Variants in CABLES2 observed in about 807,000 individuals in gnomAD.
The protein encoded by CABLES2 is CDK5 and ABL1 enzyme substrate 2.
A neutral mutation model predicts 44.8 loss-of-function variants in CABLES2; 35 were observed. The ratio of observed to expected loss-of-function variants is 0.78; its 90% CI spans 0.60 to 1.04. The LOEUF (loss-of-function observed/expected upper bound fraction) is 1.04. CABLES2 is among the 50% of genes least tolerant of loss of function. CABLES2 has a pLI of 0.00. For synonymous variants in CABLES2, 282 were observed against 281.1 expected, an observed-to-expected ratio of 1.00 and a Z score of -0.03; for missense variants, 566 against 615.7, an observed-to-expected ratio of 0.92 and a Z score of 0.85.
intron 1 of CABLES2, among the ~76,000 whole-genome samples, chr20:62,398,094 G>GTGGTGGTGA: frequency 1.4e-5 from 2 of 139,042 alleles, no homozygotes; most frequent in East Asian, 2.2e-4. Context: ...GGTGACGGTG[G>GTGGTGGTGA]TGGTGGTGGT....
In CABLES2 at chr20:62,398,193, ATGATGGTGG is replaced by A. The variant is rs1448034298; in HGVS notation, c.363-1610_363-1602del. ...GGTAATGGTGGTGGTGGTGATGGTG[ATGATGGTGG>A]TGATGGTGATGTGATGGTGGTGGTG... On this transcript the variant is annotated intron_variant, in intron 1 of 9. Transcript: ENST00000279101. 1.0e-3 allele frequency among the ~76,000 whole-genome samples: 30 copies of A among 30,068 alleles called. 2 individuals are homozygous for A. Among genetic ancestry groups the A allele is most frequent in the African/African-American group, 7.4e-3 (19 of 2,554 alleles). 19.7% of individuals were successfully genotyped at this position (30,068 alleles called of 152,430 possible). A position where few individuals can be genotyped will look rare whatever the true frequency, so the allele number is the denominator to read the frequency against.
In CABLES2 at chr20:62,407,119, T is replaced by C. The variant is rs1433917999; in HGVS notation, c.158A>G (p.Asn53Ser). The change falls in exon 1 of 10, where the codon AAC becomes AGC. Residue 53 changes from asparagine (N) to serine (S), a missense_variant. Asn to Ser is a conservative substitution (Grantham distance 46). Coordinates refer to ENST00000279101, the MANE Select transcript of CABLES2 (RefSeq NM_031215.3). ...GGGCCGCCCGTCCAGGGAGATGTTGTTGAGGAAGAAAAGCGCGGCCTGGCG... is the reference window on the plus strand; with the variant it reads ...GGGCCGCCCGTCCAGGGAGATGTTGCTGAGGAAGAAAAGCGCGGCCTGGCG... ...RRRQAALFFL[N>S]NISLDGRPPS... The C allele has an allele frequency of 3.9e-6, 4 of 1,037,880 alleles. No homozygotes were observed. The East Asian group carries it at 3.7e-4, about 97-fold the overall frequency. 64.3% of individuals were successfully genotyped at this position (1,037,880 alleles called of 1,614,324 possible).
chr20:62,398,059 T>TGGTGGTGAC (rs1569017444), intron 1 of CABLES2, among the ~76,000 whole-genome samples: 3 of 78,748 alleles, frequency 3.8e-5, no homozygotes, highest in Admixed American at 1.4e-4. Flanking sequence ...GTGATGGCGA[T>TGGTGGTGAC]GGTGGTGGTG....
At position 62,389,476 on chromosome 20, in the gene CABLES2, T is replaced by C. The variant is rs1388975498; in HGVS notation, c.*1495A>G. 6.6e-6 allele frequency: 1 copy of C among 152,236 alleles called. No individual in the cohort carries two copies. Among genetic ancestry groups the C allele is most frequent in the African/African-American group, 2.4e-5 (1 of 41,440 alleles). 9.4% of individuals were successfully genotyped at this position (152,236 alleles called of 1,614,324 possible). ...GCTGGCAGCTGTCCTGCACCACTGC[T>C]GGGGTCGGGTGGAGTTGCTGGTGGA... On this transcript the variant is annotated 3_prime_UTR_variant, in exon 10 of 10. Coordinates refer to ENST00000279101, the MANE Select transcript of CABLES2 (RefSeq NM_031215.3).
chr20:62,391,171 C>A lies in CABLES2; in HGVS notation c.1297-60G>T, dbSNP rs527642199. ...CCTTCCCTCTTCCACATTTCCCACC[C>A]GGCCAGCCCCATCCCAGCAGTGGCC... On this transcript the variant is annotated intron_variant, in intron 9 of 9. Coordinates refer to ENST00000279101, the MANE Select transcript of CABLES2 (RefSeq NM_031215.3). The surrounding 1 kb of genome is among the most constrained non-coding windows in gnomAD (Gnocchi z 5.7). 21 of 1,604,568 alleles carry A rather than the reference C, an allele frequency of 1.3e-5. No homozygotes were observed. Among genetic ancestry groups the A allele is most frequent in the East Asian group, 2.2e-5 (1 of 44,672 alleles).
chr20:62,401,793 G>A (rs768263279), intron 1 of CABLES2, among the ~76,000 whole-genome samples: 1 of 152,332 alleles, frequency 6.6e-6, no homozygotes, highest in Non-Finnish European at 1.5e-5. Context: ...CTGTGTCTCC[G>A]CAGGGGAGTG....
intron 5 of CABLES2, among the ~76,000 whole-genome samples, chr20:62,393,952 C>T (rs539214554): frequency 2.0e-5 from 3 of 152,324 alleles, no homozygotes; most frequent in Non-Finnish European, 2.9e-5. Context: ...TGGCGCAGAC[C>T]TCAGGCACGG....
intron 1 of CABLES2, among the ~76,000 whole-genome samples, chr20:62,398,074 T>TGGTGGTGAC (rs1288180481): frequency 2.4e-3 from 95 of 39,214 alleles, no homozygotes; most frequent in African/African-American, 9.0e-3. Flanking sequence ...GTGGTGACGG[T>TGGTGGTGAC]GGTGGTGGTG....
At chr20:62,397,998 A>ACGGTGG in intron 1 of CABLES2, among the ~76,000 whole-genome samples, 1 of 68,368 alleles carries the variant, frequency 1.5e-5, no homozygotes, top group South Asian at 4.4e-4. Flanking sequence ...GGTGGTGATG[A>ACGGTGG]TGGTGATGGT....
chr20:62,392,425 A>T lies in CABLES2; in HGVS notation c.1055T>A (p.Phe352Tyr), dbSNP rs764646116. 1 of 1,613,718 alleles carries T rather than the reference A, an allele frequency of 6.2e-7. No individual in the cohort carries two copies. The highest frequency in any genetic ancestry group is 1.1e-5 in the South Asian group (1 of 91,064). The change falls in exon 8 of 10, where the codon TTC (phenylalanine) becomes TAC (tyrosine). Residue 352 changes from phenylalanine to tyrosine, a missense_variant. Physicochemically the swap from Phe to Tyr is conservative, Grantham distance 22. Coordinates refer to ENST00000279101, the MANE Select transcript of CABLES2 (RefSeq NM_031215.3). Reference sequence around the variant, plus strand: ...GCTCAGCGTCAGTTTGACATGGGGGAACTTCTCCCTGAAGGTCTCGTTCAT... The same window carrying T: ...GCTCAGCGTCAGTTTGACATGGGGGTACTTCTCCCTGAAGGTCTCGTTCAT... Reference protein sequence around the residue: ...KDMNETFREKFPHVKLTLSKI... With the variant: ...KDMNETFREKYPHVKLTLSKI...
Position 62,393,458 on chromosome 20 carries a change from G to T in CABLES2, c.862C>A (p.Pro288Thr). 2 of 1,609,566 alleles carry T rather than the reference G, an allele frequency of 1.2e-6. No individual in the cohort carries two copies. The highest frequency in any genetic ancestry group is 8.5e-7 in the Non-Finnish European group (1 of 1,177,584). The change falls in exon 6 of 10, where the codon CCA becomes ACA. Residue 288 changes from proline to threonine, a missense_variant. By Grantham distance (38) the Pro-to-Thr change is conservative (BLOSUM62 -1). Coordinates refer to ENST00000279101, the MANE Select transcript of CABLES2 (RefSeq NM_031215.3). Reference sequence around the variant, plus strand: ...GGGCTACCTAGTTCTGTGCTGGCTGGTGCCGACTTGGTGGGGGCAGGTTTA... The same window carrying T: ...GGGCTACCTAGTTCTGTGCTGGCTGTTGCCGACTTGGTGGGGGCAGGTTTA... ...RHKPAPTKSA[P>T]ASTELGSDVG...
chr20:62,395,552 G>A (rs933870137), intron 3 of CABLES2, among the ~76,000 whole-genome samples: 4 of 152,358 alleles, frequency 2.6e-5, no homozygotes, highest in Middle Eastern at 3.4e-3. Context: ...AGAGAGCACA[G>A]GCAGAAGCCA....
chr20:62,402,928 G>T (rs189111204), intron 1 of CABLES2: 2 of 152,390 alleles, frequency 1.3e-5, no homozygotes, highest in Non-Finnish European at 2.9e-5. Flanking sequence ...CAAGGTGCCA[G>T]ATGCTGAATT....
At chr20:62,394,908 C>A in intron 4 of CABLES2, 29 bp downstream of exon 4, 3 of 1,602,236 alleles carry the variant, frequency 1.9e-6, no homozygotes, top group South Asian at 2.2e-5. Context: ...AGATGGACAC[C>A]GCATGCGAGG....
rs1987867652 is a variant in CABLES2 at position 62,389,362 on chromosome 20, C to T, written c.*1609G>A. 1 of 152,292 alleles carries T rather than the reference C, an allele frequency of 6.6e-6. No individual in the cohort carries two copies. The highest frequency in any genetic ancestry group is 2.4e-5 in the African/African-American group (1 of 41,450). The allele number at this position is 152,292 out of a possible 1,614,324, so 9.4% of individuals were successfully genotyped here. ...AAGAACAAAGGCTTTGGTTTGTCCT[C>T]ATCCTCCAGTCTGTCCCACACACCT... On this transcript the variant is annotated 3_prime_UTR_variant, in exon 10 of 10. Transcript: ENST00000279101.
At chr20:62,398,196 ATGG>A (rs796150959) in intron 1 of CABLES2, among the ~76,000 whole-genome samples, 1 of 68,318 alleles carries the variant, frequency 1.5e-5, no homozygotes, top group Non-Finnish European at 2.9e-5. Context: ...GATGGTGATG[ATGG>A]TGGTGATGGT....
intron 1 of CABLES2, among the ~76,000 whole-genome samples, chr20:62,401,647 CAG>C (rs1237767239): frequency 1.3e-5 from 2 of 152,240 alleles, no homozygotes; most frequent in Admixed American, 1.3e-4. Context: ...CATGCGCAAT[CAG>C]GGGACGGCAT....
chr20:62,395,028 G>A lies in CABLES2; in HGVS notation c.528-14C>T, dbSNP rs1987992292. 1 of 1,610,276 alleles carries A rather than the reference G, an allele frequency of 6.2e-7. No homozygotes were observed. Among genetic ancestry groups the A allele is most frequent in the Non-Finnish European group, 8.5e-7 (1 of 1,177,698 alleles). On this transcript the variant is annotated splice_polypyrimidine_tract_variant and intron_variant, in intron 3 of 9. Transcript: ENST00000279101. ...ATGAGCACGATCCTGCAGGGGGACG[G>A]AGTCAGGGGAGACGGGGCCGGGGAG... is the stretch of plus-strand genomic sequence containing the variant.
chr20:62,398,105 G>GGTGGTGGTA (rs1569017600), intron 1 of CABLES2, among the ~76,000 whole-genome samples: 1 of 140,554 alleles, frequency 7.1e-6, no homozygotes, highest in Admixed American at 7.0e-5. Flanking sequence ...TGGTGGTGGT[G>GGTGGTGGTA]ATGGTGGTGG....
Sources: gnomAD v4.1 joint callset for allele counts (sites outside exome capture counted in the v4.1 genomes callset) on GRCh38, gnomAD v4.1.1 for gene constraint, Gnocchi (gnomAD v3.1) non-coding constraint, MANE v1.5 for transcripts, NCBI Gene and HGNC (gene_info 2026-07-23, HGNC 2026-07-21) for gene names.